CLDN16: variants seen among roughly 807,000 people sequenced by gnomAD.
CLDN16 encodes the protein claudin-16.
A neutral mutation model predicts 24.6 loss-of-function variants in CLDN16; 13 were observed. That is an observed-to-expected ratio of 0.53 (90% confidence interval 0.34 to 0.84). The LOEUF is 0.84. CLDN16 is among the 40% of genes least tolerant of loss of function. CLDN16 has a pLI of 0.01. For synonymous variants in CLDN16, 116 were observed against 106.7 expected (o/e 1.09, Z -0.54); for missense variants, 298 against 292.7 (o/e 1.02, Z -0.13).
At chr3:190,404,955 G>A (rs374812490) in intron 3 of CLDN16, 29 bp downstream of exon 3, 38 of 1,611,362 alleles carry the variant, frequency 2.4e-5, no homozygotes, top group African/African-American at 6.7e-5. Flanking sequence ...TAGCAACAGG[G>A]GTAGGGAGAC....
chr3:190,334,485 T>C (rs1235818346), intron 1 of CLDN16, among the ~76,000 whole-genome samples: 1 of 152,260 alleles, frequency 6.6e-6, no homozygotes, highest in Non-Finnish European at 1.5e-5. Context: ...GGACAAGCAC[T>C]GGACAATTTT....
At chr3:190,393,747 C>CTTTTTTTT (rs58465741) in intron 1 of CLDN16, among the ~76,000 whole-genome samples, 1 of 115,234 alleles carries the variant, frequency 8.7e-6, no homozygotes, top group Non-Finnish European at 1.7e-5. Context: ...TGTCATTTGC[C>CTTTTTTTT]TTTTTTTTTT....
At chr3:190,297,477 C>G in the CLDN16 span, among the ~76,000 whole-genome samples, 1 of 129,712 alleles carries the variant, frequency 7.7e-6, no homozygotes, top group Non-Finnish European at 1.6e-5. Flanking sequence ...GTTATATTAT[C>G]TATATATTAT....
exon 3 of CLDN16, chr3:190,374,593 A>G (rs762574419): frequency 4.6e-5 from 7 of 151,878 alleles, no homozygotes; most frequent in Admixed American, 3.3e-4. Flanking sequence ...TAACACATAC[A>G]GCATGTGAAG....
chr3:190,360,147 T>C (rs1462866880), intron 1 of CLDN16, among the ~76,000 whole-genome samples: 1 of 151,930 alleles, frequency 6.6e-6, no homozygotes, highest in African/African-American at 2.4e-5. Context: ...AAACCAAGTA[T>C]AGATGCCCAA....
At chr3:190,351,462 C>T (rs1352181434) in intron 1 of CLDN16, among the ~76,000 whole-genome samples, 1 of 152,090 alleles carries the variant, frequency 6.6e-6, no homozygotes, top group East Asian at 1.9e-4. Context: ...ACACAATAGC[C>T]TCTCTGAGTC....
chr3:190,300,705 A>G, the CLDN16 span, among the ~76,000 whole-genome samples: 1 of 151,842 alleles, frequency 6.6e-6, no homozygotes, highest in Non-Finnish European at 1.5e-5. Context: ...GCCTTTTCCT[A>G]TTTTTTTTCT....
intron 1 of CLDN16, among the ~76,000 whole-genome samples, chr3:190,343,394 G>T (rs1038257514): frequency 1.3e-5 from 2 of 152,014 alleles, no homozygotes; most frequent in Admixed American, 1.3e-4. Context: ...AAGTATAGAA[G>T]TTCCTAAAGA....
At chr3:190,299,606 G>A in the CLDN16 span, among the ~76,000 whole-genome samples, 65 of 151,932 alleles carry the variant, frequency 4.3e-4, no homozygotes, top group African/African-American at 1.5e-3. Context: ...TGTATGGTAT[G>A]GGTTAGAGAC....
intron 1 of CLDN16, among the ~76,000 whole-genome samples, chr3:190,338,522 C>T (rs1038020140): frequency 3.3e-5 from 5 of 152,108 alleles, no homozygotes; most frequent in Non-Finnish European, 7.4e-5. Flanking sequence ...GCAATTATTG[C>T]CTGGCAAGTG....
At chr3:190,327,098 GA>G (rs1717080275) in intron 1 of CLDN16, among the ~76,000 whole-genome samples, 1 of 152,098 alleles carries the variant, frequency 6.6e-6, no homozygotes, top group African/African-American at 2.4e-5. Flanking sequence ...TTTATTATAA[GA>G]AATTGGCTCA....
chr3:190,296,278 T>C, the CLDN16 span, among the ~76,000 whole-genome samples: 1 of 152,284 alleles, frequency 6.6e-6, no homozygotes, highest in South Asian at 2.1e-4. Flanking sequence ...TATAATATTC[T>C]GTCATTCTTG....
intron 1 of CLDN16, among the ~76,000 whole-genome samples, chr3:190,365,128 T>C (rs1442453883): frequency 6.6e-6 from 1 of 151,898 alleles, no homozygotes; most frequent in African/African-American, 2.4e-5. Context: ...CTACGGTCTA[T>C]TAACTATCTT....
intron 1 of CLDN16, among the ~76,000 whole-genome samples, chr3:190,352,123 T>C (rs1381501140): frequency 6.6e-6 from 1 of 151,330 alleles, no homozygotes; most frequent in Non-Finnish European, 1.5e-5. Context: ...TGTCTGAAAC[T>C]AGAAGGCAAT....
chr3:190,403,000 G>A (rs1424811332), intron 2 of CLDN16, among the ~76,000 whole-genome samples: 2 of 152,162 alleles, frequency 1.3e-5, no homozygotes, highest in African/African-American at 4.8e-5. Context: ...CAATATTGAA[G>A]CTGGCTCCCT....
intron 1 of CLDN16, among the ~76,000 whole-genome samples, chr3:190,356,953 T>G (rs1009659816): frequency 2.0e-5 from 3 of 151,936 alleles, no homozygotes; most frequent in African/African-American, 4.8e-5. Context: ...TAATTCGCTA[T>G]GTAGATTATA....
chr3:190,299,459 C>A, the CLDN16 span, among the ~76,000 whole-genome samples: 1 of 151,930 alleles, frequency 6.6e-6, no homozygotes, highest in Admixed American at 6.6e-5. Flanking sequence ...TTGTATGTAA[C>A]TATTTTTTAA....
At chr3:190,336,805 CTGT>C (rs745998971) in intron 1 of CLDN16, among the ~76,000 whole-genome samples, 30 of 152,248 alleles carry the variant, frequency 2.0e-4, no homozygotes, top group Non-Finnish European at 3.5e-4. Flanking sequence ...GAGACAAAAG[CTGT>C]TCGCCAAGAA....
At chr3:190,297,430 T>A in the CLDN16 span, among the ~76,000 whole-genome samples, 3 of 146,946 alleles carry the variant, frequency 2.0e-5, no homozygotes, top group African/African-American at 7.4e-5. Context: ...ATATATATAA[T>A]TTACATACAT....
Sources: gnomAD v4.1 joint callset for allele counts (sites outside exome capture counted in the v4.1 genomes callset) on GRCh38, gnomAD v4.1.1 for gene constraint, MANE v1.5 for transcripts, NCBI Gene and HGNC (gene_info 2026-07-23, HGNC 2026-07-21) for gene names.